The following NAALADL2 variants were observed in gnomAD, a reference collection of about 807,000 sequenced individuals.
The protein encoded by NAALADL2 is inactive N-acetylated-alpha-linked acidic dipeptidase-like protein 2.
A neutral mutation model predicts 87.2 loss-of-function variants in NAALADL2; 76 were observed. The ratio of observed to expected loss-of-function variants is 0.87; its 90% CI spans 0.72 to 1.05. The LOEUF is 1.05. NAALADL2 is among the 50% of genes least tolerant of loss of function. The probability of loss-of-function intolerance (pLI) is 0.00; values close to 1 mark genes in which losing one functional copy is unlikely to be tolerated. For synonymous variants in NAALADL2, 354 were observed against 331.0 expected (o/e 1.07, Z -0.75); for missense variants, 1,089 against 945.8 (o/e 1.15, Z -1.99).
At chr3:175,434,208 G>C (rs1347602178) in intron 5 of NAALADL2, among the ~76,000 whole-genome samples, 1 of 151,916 alleles carries the variant, frequency 6.6e-6, no homozygotes, top group Non-Finnish European at 1.5e-5. Context: ...ACTACAAAGA[G>C]CCTCTTTCAA....
intron 13 of NAALADL2, among the ~76,000 whole-genome samples, chr3:175,777,509 C>A (rs535763478): frequency 3.4e-4 from 51 of 152,132 alleles, no homozygotes; most frequent in African/African-American, 1.1e-3. Context: ...TTAATTTATG[C>A]AATCAAATTT....
chr3:175,278,440 G>A (rs1283298562), intron 4 of NAALADL2, among the ~76,000 whole-genome samples: 1 of 152,092 alleles, frequency 6.6e-6, no homozygotes, highest in African/African-American at 2.4e-5. Context: ...GTCTAACCAT[G>A]TTATTTGAAG....
intron 2 of NAALADL2, among the ~76,000 whole-genome samples, chr3:174,667,094 T>A (rs1221405512): frequency 6.6e-6 from 1 of 152,206 alleles, no homozygotes; most frequent in Non-Finnish European, 1.5e-5. Flanking sequence ...GATGGACATT[T>A]GAGTTGCTTC....
intron 3 of NAALADL2, among the ~76,000 whole-genome samples, chr3:174,765,162 G>GAGAC (rs1713646369): frequency 6.6e-6 from 1 of 150,904 alleles, no homozygotes; most frequent in Non-Finnish European, 1.5e-5. Context: ...GAGAGAGAGA[G>GAGAC]AGAGAGAGAC....
chr3:174,533,615 G>A (rs1421304949), intron 1 of NAALADL2, among the ~76,000 whole-genome samples: 2 of 94,770 alleles, frequency 2.1e-5, no homozygotes, highest in African/African-American at 8.7e-5. Context: ...GCAACACAAA[G>A]GAAATTAGTT....
intron 3 of NAALADL2, among the ~76,000 whole-genome samples, chr3:174,833,850 A>G (rs373542489): frequency 2.0e-5 from 3 of 150,822 alleles, no homozygotes; most frequent in African/African-American, 7.3e-5. Flanking sequence ...CCAAAATTTA[A>G]TGCCCATTTA....
intron 9 of NAALADL2, among the ~76,000 whole-genome samples, chr3:175,550,964 A>G (rs192642591): frequency 1.3e-4 from 20 of 152,346 alleles, no homozygotes; most frequent in Admixed American, 1.0e-3. Flanking sequence ...GGTTGATTTC[A>G]AATGGATTTA....
intron 2 of NAALADL2, among the ~76,000 whole-genome samples, chr3:175,218,343 T>C (rs974830045): frequency 6.6e-6 from 1 of 152,216 alleles, no homozygotes; most frequent in African/African-American, 2.4e-5. Context: ...AACTGGCATG[T>C]CCATCACATT....
chr3:174,445,564 TATACAGGAGAAC>T (rs1342198676), intron 1 of NAALADL2, among the ~76,000 whole-genome samples: 1 of 152,096 alleles, frequency 6.6e-6, no homozygotes, highest in African/African-American at 2.4e-5. Context: ...ATGAGACAGC[TATACAGGAGAAC>T]TAGGTTTGTT....
chr3:175,097,396 A>G (rs1721346012), intron 2 of NAALADL2, 105 bp downstream of exon 2: 8 of 1,052,298 alleles, frequency 7.6e-6, no homozygotes, highest in Non-Finnish European at 9.7e-6. Flanking sequence ...CAGTGTTGCA[A>G]GCTGAGAAAC....
intron 2 of NAALADL2, among the ~76,000 whole-genome samples, chr3:174,571,406 C>T (rs998702999): frequency 5.9e-5 from 9 of 151,800 alleles, no homozygotes; most frequent in Non-Finnish European, 7.4e-5. Flanking sequence ...GACAGAGTTT[C>T]GCTCTTTTTG....
rs964518891 is a variant in NAALADL2 at position 175,804,040 on chromosome 3, A to G, written c.*837A>G. 4 of 152,048 alleles carry G rather than the reference A, an allele frequency of 2.6e-5. No homozygotes were observed. The highest frequency in any genetic ancestry group is 4.4e-5 in the Non-Finnish European group (3 of 67,876). The allele number at this position is 152,048 out of a possible 1,614,324, so 9.4% of individuals were successfully genotyped here. A position where few individuals can be genotyped will look rare whatever the true frequency, so the allele number is the denominator to read the frequency against. On this transcript the variant is annotated 3_prime_UTR_variant, in exon 14 of 14. Coordinates refer to ENST00000454872, the MANE Select transcript of NAALADL2 (RefSeq NM_207015.3). ...GAAGCAGGGACTCTAAAATGAAAGC[A>G]TCTCACATTGGTTTTCTTTCTTGTA...
At chr3:175,369,339 G>C (rs564631004) in intron 5 of NAALADL2, among the ~76,000 whole-genome samples, 10 of 152,068 alleles carry the variant, frequency 6.6e-5, no homozygotes, top group African/African-American at 2.4e-4. Flanking sequence ...GCCTGTGTGC[G>C]TGTGTGTACA....
chr3:175,413,542 C>A (rs1714010468), intron 5 of NAALADL2, among the ~76,000 whole-genome samples: 1 of 132,300 alleles, frequency 7.6e-6, no homozygotes, highest in African/African-American at 2.9e-5. Flanking sequence ...AGCACTCCAG[C>A]CTGGGCGACA....
chr3:175,270,383 A>G (rs1311011594), intron 4 of NAALADL2, among the ~76,000 whole-genome samples: 1 of 152,206 alleles, frequency 6.6e-6, no homozygotes, highest in Non-Finnish European at 1.5e-5. Context: ...GGATATGGTC[A>G]TTACGGTTAA....
At chr3:175,024,811 T>C (rs1450966018) in intron 1 of NAALADL2, among the ~76,000 whole-genome samples, 1 of 152,016 alleles carries the variant, frequency 6.6e-6, no homozygotes, top group Non-Finnish European at 1.5e-5. Context: ...TTTGTCAGAG[T>C]AACATGTACA....
At chr3:175,078,869 G>A (rs941947846) in intron 1 of NAALADL2, among the ~76,000 whole-genome samples, 2 of 151,992 alleles carry the variant, frequency 1.3e-5, no homozygotes, top group African/African-American at 2.4e-5. Flanking sequence ...CAACTTTTTG[G>A]CTACTATGAT....
intron 11 of NAALADL2, among the ~76,000 whole-genome samples, chr3:175,658,565 A>C (rs946826684): frequency 2.0e-5 from 3 of 152,170 alleles, no homozygotes; most frequent in African/African-American, 7.2e-5. Flanking sequence ...TGAATATGAT[A>C]GCTTTTCTGC....
intron 10 of NAALADL2, among the ~76,000 whole-genome samples, chr3:175,587,602 A>G (rs1720718368): frequency 6.6e-6 from 1 of 152,142 alleles, no homozygotes; most frequent in South Asian, 2.1e-4. Flanking sequence ...AACTTGAGAA[A>G]AACCTATTTA....
Sources: allele counts gnomAD v4.1 joint callset (sites outside exome capture counted in the v4.1 genomes callset), GRCh38; gene constraint gnomAD v4.1.1; transcripts MANE v1.5; gene names NCBI Gene and HGNC (gene_info 2026-07-23, HGNC 2026-07-21).